Variants in SLC39A11 observed in about 807,000 individuals in gnomAD.
SLC39A11 encodes zinc transporter ZIP11.
In SLC39A11, 33 loss-of-function variants were observed where a neutral mutation model predicts 36.1. The ratio of observed to expected loss-of-function variants is 0.91; its 90% CI spans 0.69 to 1.22. The LOEUF (loss-of-function observed/expected upper bound fraction) is 1.22. Among genes scored for constraint, SLC39A11 ranks in the 50% most tolerant of loss-of-function variants. The probability of loss-of-function intolerance (pLI) is 0.00; values close to 1 mark genes in which losing one functional copy is unlikely to be tolerated. For missense variants in SLC39A11, 432 were observed against 430.3 expected (o/e 1.00, Z -0.03); for synonymous variants, 166 against 170.3 (o/e 0.97, Z 0.20).
intron 4 of SLC39A11, among the ~76,000 whole-genome samples, chr17:73,000,536 T>C (rs1000322510): frequency 4.6e-5 from 7 of 152,198 alleles, no homozygotes; most frequent in African/African-American, 1.4e-4. Context: ...TTTTGGGTGT[T>C]ACTCTTGGAA....
intron 6 of SLC39A11, chr17:72,823,493 C>T (rs1333227410): frequency 1.3e-5 from 2 of 151,188 alleles, no homozygotes; most frequent in Non-Finnish European, 3.0e-5. Flanking sequence ...GAGAGATGTT[C>T]CCACGCTGCA....
intron 7 of SLC39A11, among the ~76,000 whole-genome samples, chr17:72,706,616 T>C (rs955525631): frequency 6.6e-6 from 1 of 152,236 alleles, no homozygotes; most frequent in African/African-American, 2.4e-5. Flanking sequence ...TTGTTCACTC[T>C]TGCCTGTCAG....
Position 72,676,469 on chromosome 17 carries a change from G to A in SLC39A11, c.672-27201C>T, listed in dbSNP as rs928054065. On this transcript the variant is annotated intron_variant, in intron 7 of 9. Coordinates refer to ENST00000255559, the MANE Select transcript of SLC39A11 (RefSeq NM_139177.4). ...GGGAAGTAGATGAAATTAGCACATC[G>A]AAAGAGCTGGTACACACTAGATGCT... Among the ~76,000 whole-genome samples, 4 of 152,164 alleles carry A rather than the reference G, an allele frequency of 2.6e-5. No homozygotes were observed. The South Asian group carries it at 6.2e-4, about 24-fold the overall frequency.
At chr17:73,003,873 G>T (rs1417162427) in intron 4 of SLC39A11, among the ~76,000 whole-genome samples, 2 of 152,094 alleles carry the variant, frequency 1.3e-5, no homozygotes, top group African/African-American at 2.4e-5. Flanking sequence ...ATCACCCGAG[G>T]TCAGGAGTTT....
intron 7 of SLC39A11, among the ~76,000 whole-genome samples, chr17:72,667,351 G>A (rs1395070036): frequency 2.0e-5 from 3 of 152,290 alleles, no homozygotes; most frequent in Non-Finnish European, 2.9e-5. Flanking sequence ...TAGGTGCAGG[G>A]GGCGCTTTAG....
At chr17:72,705,180 G>C (rs1403700424) in intron 7 of SLC39A11, among the ~76,000 whole-genome samples, 1 of 152,130 alleles carries the variant, frequency 6.6e-6, no homozygotes, top group Non-Finnish European at 1.5e-5. Context: ...TCTTGCAAAT[G>C]ATATAAATGA....
chr17:72,661,855 G>A (rs372755238), intron 7 of SLC39A11, among the ~76,000 whole-genome samples: 2 of 152,198 alleles, frequency 1.3e-5, no homozygotes, highest in African/African-American at 4.8e-5. Context: ...AGAGCCCAAG[G>A]AAGTCAGCCG....
chr17:73,008,866 C>T (rs1022583984), intron 4 of SLC39A11, among the ~76,000 whole-genome samples: 2 of 150,308 alleles, frequency 1.3e-5, no homozygotes, highest in Admixed American at 6.6e-5. Flanking sequence ...CCAGCCTGGG[C>T]AACATAGTGA....
chr17:72,695,200 C>G (rs2072236142), intron 7 of SLC39A11, among the ~76,000 whole-genome samples: 1 of 152,224 alleles, frequency 6.6e-6, no homozygotes, highest in Admixed American at 6.5e-5. Context: ...GTCTCTGCCT[C>G]AGTGTCTCCT....
At chr17:72,911,690 C>T (rs1188488909) in intron 5 of SLC39A11, among the ~76,000 whole-genome samples, 3 of 152,202 alleles carry the variant, frequency 2.0e-5, no homozygotes. Flanking sequence ...TGAGCCCAGG[C>T]TGGAGTACAA....
intron 6 of SLC39A11, among the ~76,000 whole-genome samples, chr17:72,742,028 C>T (rs1053596239): frequency 2.6e-5 from 4 of 152,008 alleles, no homozygotes; most frequent in Admixed American, 6.6e-5. Context: ...ATGGTGAAAC[C>T]TCGTCTCTAC....
At chr17:72,688,910 AT>A (rs1224997454) in intron 7 of SLC39A11, among the ~76,000 whole-genome samples, 1 of 152,144 alleles carries the variant, frequency 6.6e-6, no homozygotes, top group Non-Finnish European at 1.5e-5. Context: ...ACAGGTGCAA[AT>A]ACCAAGGTGA....
intron 3 of SLC39A11, among the ~76,000 whole-genome samples, chr17:73,062,484 G>T (rs2144275918): frequency 2.5e-5 from 1 of 40,214 alleles, no homozygotes; most frequent in African/African-American, 8.2e-5. Flanking sequence ...AAAAACTTTA[G>T]GTGATACACT....
intron 6 of SLC39A11, among the ~76,000 whole-genome samples, chr17:72,739,401 A>G (rs552874915): frequency 6.6e-5 from 10 of 152,364 alleles, no homozygotes; most frequent in Non-Finnish European, 1.3e-4. Flanking sequence ...TGCTGGGATT[A>G]CAGGCATGAG....
In SLC39A11 at chr17:73,037,340, T is replaced by C. The variant is rs150583176; in HGVS notation, c.148-5626A>G. 1.4e-3 allele frequency among the ~76,000 whole-genome samples: 210 copies of C among 152,326 alleles called. 3 individuals carry two copies. The highest frequency in any genetic ancestry group is 3.5e-3 in the Admixed American group (54 of 15,294). On this transcript the variant is annotated intron_variant, in intron 3 of 9. Coordinates refer to ENST00000255559, the MANE Select transcript of SLC39A11 (RefSeq NM_139177.4). ...GAGGTGAAACTCTCAACATCAGCAA[T>C]GCTCCTTTATATGTTAGGCATTTTT...
At chr17:72,831,068 T>C (rs1372794990) in intron 6 of SLC39A11, among the ~76,000 whole-genome samples, 2 of 152,080 alleles carry the variant, frequency 1.3e-5, no homozygotes, top group African/African-American at 4.8e-5. Context: ...TGAGGGAAAA[T>C]GCCTGTATTG....
At chr17:72,801,473 C>T (rs564494807) in intron 6 of SLC39A11, among the ~76,000 whole-genome samples, 12 of 152,302 alleles carry the variant, frequency 7.9e-5, no homozygotes, top group Non-Finnish European at 1.0e-4. Context: ...GTGATCCTCC[C>T]GCCTCAGCCT....
At chr17:73,062,464 A>AG in intron 3 of SLC39A11, among the ~76,000 whole-genome samples, 2 of 139,226 alleles carry the variant, frequency 1.4e-5, no homozygotes, top group African/African-American at 2.6e-5. Context: ...CTTGTCTCAA[A>AG]AAAAAAAAAA....
chr17:72,909,544 C>T (rs1355645141), intron 5 of SLC39A11, among the ~76,000 whole-genome samples: 1 of 152,050 alleles, frequency 6.6e-6, no homozygotes, highest in Non-Finnish European at 1.5e-5. Context: ...AGGAACTGTC[C>T]AAAATCCTAA....
Sources: allele counts gnomAD v4.1 joint callset (sites outside exome capture counted in the v4.1 genomes callset), GRCh38; gene constraint gnomAD v4.1.1; transcripts MANE v1.5; gene names NCBI Gene and HGNC (gene_info 2026-07-23, HGNC 2026-07-21).